GABRG3: variants seen among roughly 807,000 people sequenced by gnomAD.
The protein encoded by GABRG3 is gamma-aminobutyric acid type A receptor subunit gamma3, also known as gamma-aminobutyric acid receptor subunit gamma-3.
Under a neutral mutation model 48.8 loss-of-function variants are expected in GABRG3, and 25 were observed. The observed-to-expected ratio is 0.51, with a 90% confidence interval of 0.37 to 0.72. The LOEUF (loss-of-function observed/expected upper bound fraction) is 0.72, where lower values mean the gene tolerates loss of function less well. Among genes scored for constraint, GABRG3 ranks in the 30% least tolerant of loss-of-function variants. GABRG3 has a pLI of 0.00. For missense variants in GABRG3, 394 were observed against 577.9 expected (o/e 0.68, Z 3.26); for synonymous variants, 227 against 217.6 (o/e 1.04, Z -0.38).
At position 27,453,915 on chromosome 15, in the gene GABRG3, C is replaced by G. The variant is rs113015938; in HGVS notation, c.575-26735C>G. 7.1e-3 allele frequency among the ~76,000 whole-genome samples: 1,083 copies of G among 152,272 alleles called. 13 individuals are homozygous for G. The highest frequency in any genetic ancestry group is 0.025 in the African/African-American group (1,037 of 41,556). On this transcript the variant is annotated intron_variant, in intron 5 of 9. Transcript: ENST00000615808. ...CCACACCCAGCCAACTTCTTAAGCC[C>G]TTCTCTCCATTCCCTTGTCCAGCAT...
chr15:27,489,794 G>A (rs746317957), intron 6 of GABRG3, among the ~76,000 whole-genome samples: 2 of 152,130 alleles, frequency 1.3e-5, no homozygotes, highest in South Asian at 2.1e-4. Flanking sequence ...TGGATAGATT[G>A]CAAAAATTTC....
chr15:27,306,777 A>G (rs1344511134), intron 3 of GABRG3, among the ~76,000 whole-genome samples: 1 of 114,928 alleles, frequency 8.7e-6, no homozygotes, highest in East Asian at 2.5e-4. Flanking sequence ...CATACAATAT[A>G]AACATGTTTA....
At chr15:27,214,203 G>T (rs189176764) in intron 3 of GABRG3, among the ~76,000 whole-genome samples, 1 of 152,282 alleles carries the variant, frequency 6.6e-6, no homozygotes, top group East Asian at 1.9e-4. Context: ...ACAGGTGGGG[G>T]TTGCCAGTTA....
At chr15:26,979,454 A>G (rs1388379596) in intron 2 of GABRG3, among the ~76,000 whole-genome samples, 1 of 152,172 alleles carries the variant, frequency 6.6e-6, no homozygotes, top group African/African-American at 2.4e-5. Flanking sequence ...GTCTTTCCCC[A>G]TAAAGTATGA....
chr15:27,366,111 G>C (rs1895190474), intron 5 of GABRG3: 1 of 152,144 alleles, frequency 6.6e-6, no homozygotes, highest in African/African-American at 2.4e-5. Context: ...AACACATGAA[G>C]CTTCTTTCAG....
At chr15:27,203,746 G>T (rs927788857) in intron 3 of GABRG3, among the ~76,000 whole-genome samples, 1 of 151,946 alleles carries the variant, frequency 6.6e-6, no homozygotes, top group African/African-American at 2.4e-5. Context: ...CGGGTGTGAG[G>T]TGGTATCTCA....
chr15:27,453,982 C>T (rs924970783), intron 5 of GABRG3, among the ~76,000 whole-genome samples: 2 of 152,170 alleles, frequency 1.3e-5, no homozygotes, highest in Non-Finnish European at 2.9e-5. Flanking sequence ...TGCCTGTGTG[C>T]TTCCCTCCGT....
At chr15:27,384,181 C>T (rs1296441009) in intron 5 of GABRG3, among the ~76,000 whole-genome samples, 4 of 152,222 alleles carry the variant, frequency 2.6e-5, no homozygotes, top group South Asian at 4.1e-4. Flanking sequence ...TTGTGAGACC[C>T]GAAGTCAAGT....
intron 3 of GABRG3, among the ~76,000 whole-genome samples, chr15:27,046,501 G>A (rs868437377): frequency 1.3e-5 from 2 of 152,314 alleles, no homozygotes; most frequent in South Asian, 4.2e-4. Flanking sequence ...GTCTTCCCTT[G>A]CCTGTGCTGA....
At chr15:27,230,875 T>A (rs1889773599) in intron 3 of GABRG3, among the ~76,000 whole-genome samples, 1 of 152,154 alleles carries the variant, frequency 6.6e-6, no homozygotes, top group Admixed American at 6.5e-5. Context: ...AGTGTGTCAT[T>A]AAGAACTGGC....
intron 5 of GABRG3, chr15:27,364,953 G>A (rs950420329): frequency 1.4e-5 from 2 of 145,828 alleles, no homozygotes; most frequent in African/African-American, 2.6e-5. Context: ...GCAAGACTAG[G>A]ACAAAGAATT....
chr15:27,418,580 T>C (rs1888014421), intron 5 of GABRG3, among the ~76,000 whole-genome samples: 1 of 152,158 alleles, frequency 6.6e-6, no homozygotes, highest in African/African-American at 2.4e-5. Flanking sequence ...CACATTCCAA[T>C]GGCCCCCACC....
chr15:27,163,933 G>T (rs1273715152), intron 3 of GABRG3, among the ~76,000 whole-genome samples: 1 of 152,214 alleles, frequency 6.6e-6, no homozygotes, highest in African/African-American at 2.4e-5. Context: ...AGGGGTGCCA[G>T]TGTCGCTCAG....
At chr15:27,276,245 A>G (rs1166170190) in intron 3 of GABRG3, among the ~76,000 whole-genome samples, 1 of 152,198 alleles carries the variant, frequency 6.6e-6, no homozygotes, top group African/African-American at 2.4e-5. Context: ...ATTCTTTGTG[A>G]TGGATTTGGG....
intron 3 of GABRG3, among the ~76,000 whole-genome samples, chr15:27,252,230 C>A (rs1057234417): frequency 6.6e-6 from 1 of 152,152 alleles, no homozygotes; most frequent in African/African-American, 2.4e-5. Flanking sequence ...ACCAGCCCTC[C>A]TTCTCACCGA....
intron 3 of GABRG3, among the ~76,000 whole-genome samples, chr15:27,046,103 A>G (rs983193226): frequency 6.6e-6 from 1 of 151,146 alleles, no homozygotes; most frequent in Non-Finnish European, 1.5e-5. Context: ...TTTCTTTTTT[A>G]TTTTTTTGAG....
chr15:27,101,566 T>C (rs1897357838), intron 3 of GABRG3, among the ~76,000 whole-genome samples: 1 of 152,034 alleles, frequency 6.6e-6, no homozygotes, highest in African/African-American at 2.4e-5. Flanking sequence ...ATCAAGACAG[T>C]GTGGTATGGC....
intron 5 of GABRG3, among the ~76,000 whole-genome samples, chr15:27,440,236 G>A (rs180982631): frequency 1.1e-4 from 16 of 152,266 alleles, no homozygotes; most frequent in South Asian, 4.1e-4. Flanking sequence ...ATCTTTCCGC[G>A]TTGTACATGG....
At chr15:27,124,195 C>T (rs1897779403) in intron 3 of GABRG3, among the ~76,000 whole-genome samples, 1 of 152,174 alleles carries the variant, frequency 6.6e-6, no homozygotes, top group Non-Finnish European at 1.5e-5. Flanking sequence ...ATAGACACTT[C>T]TGGATATTGT....
Sources: allele counts gnomAD v4.1 joint callset (sites outside exome capture counted in the v4.1 genomes callset), GRCh38; gene constraint gnomAD v4.1.1; transcripts MANE v1.5; gene names NCBI Gene and HGNC (gene_info 2026-07-23, HGNC 2026-07-21).